Variants in ADGRG1 observed in about 807,000 individuals in gnomAD.
The protein encoded by ADGRG1 is 7-transmembrane protein with no EGF-like N-terminal domains-1.
ADGRG1 carries 53 observed loss-of-function variants against 73.5 expected under a neutral mutation model. The ratio of observed to expected loss-of-function variants is 0.72; its 90% CI spans 0.58 to 0.91. The LOEUF (loss-of-function observed/expected upper bound fraction) is 0.91. Ranked by LOEUF, ADGRG1 falls within the 40% of genes least tolerant of loss-of-function variation. The pLI is 0.00. For missense variants in ADGRG1, 795 were observed against 871.8 expected (o/e 0.91, Z 1.11); for synonymous variants, 394 against 374.4 (o/e 1.05, Z -0.60).
chr16:57,627,966 A>T, upstream of ADGRG1: 2 of 982,880 alleles, frequency 2.0e-6, no homozygotes, highest in Non-Finnish European at 2.4e-6. Flanking sequence ...GGATTAAAGG[A>T]GGCCGTTTCC....
At chr16:57,626,723 G>A (rs1386849039), upstream of ADGRG1, 3 of 985,130 alleles carry the variant, frequency 3.0e-6, no homozygotes, top group African/African-American at 5.2e-5. Context: ...TGTGTGTGTG[G>A]TGGTGGTGGT....
chr16:57,653,875 G>A lies in ADGRG1; in HGVS notation c.621-111G>A, dbSNP rs1365765615. On this transcript the variant is annotated intron_variant, in intron 4 of 13. Transcript: ENST00000562631. ...CACCCCTCTCTCTGCCTCTGCCTCT[G>A]CCTCTGCCTCTTCCCTGTGTCTCTG... is the stretch of plus-strand genomic sequence containing the variant. 6 of 1,594,930 alleles carry A rather than the reference G, an allele frequency of 3.8e-6. No individual in the cohort carries two copies. In the African/African-American group the frequency reaches 6.7e-5, roughly 18 times the overall value.
At chr16:57,659,187 A>G in intron 10 of ADGRG1, 1 of 985,368 alleles carries the variant, frequency 1.0e-6, no homozygotes, top group Non-Finnish European at 1.2e-6. Flanking sequence ...CTTCTGTTAA[A>G]CGTGCACGTG....
At position 57,653,279 on chromosome 16, in the gene ADGRG1, G is replaced by C. The variant is rs369147371; in HGVS notation, c.564G>C (p.Gln188His). Residue 188 changes from glutamine to histidine, a missense_variant, in exon 4 of 14, where the codon CAG becomes CAC. Coordinates refer to ENST00000562631, the MANE Select transcript of ADGRG1 (RefSeq NM_201525.4). Reference protein sequence around the residue: ...ELKRDLQLLSQFLKHPQKASR... With the variant: ...ELKRDLQLLSHFLKHPQKASR... The stretch of plus-strand genomic sequence containing the variant: ...AAAGGGACCTCCAGCTGCTCAGCCA[G>C]TTCCTGAAGCATCCCCAGAAGGCCT... The C allele has an allele frequency of 6.2e-7, 1 of 1,612,798 alleles. No individual in the cohort carries two copies. The highest frequency in any genetic ancestry group is 1.3e-5 in the African/African-American group (1 of 74,922).
chr16:57,663,007 C>T lies in ADGRG1; in HGVS notation c.1934-445C>T, dbSNP rs1442732043. On this transcript the variant is annotated intron_variant, in intron 13 of 13. Coordinates refer to ENST00000562631, the MANE Select transcript of ADGRG1 (RefSeq NM_201525.4). ...CATTCCTGCCTGTGAGATGAGGGGA[C>T]TCAGGATTGTAAGTGAGGCCCATAC... 4.1e-6 allele frequency: 4 copies of T among 984,738 alleles called. No homozygotes were observed. In the African/African-American group the frequency reaches 7.0e-5, roughly 17 times the overall value. 61.0% of individuals were successfully genotyped at this position (984,738 alleles called of 1,614,324 possible).
At chr16:57,660,625 A>G in intron 11 of ADGRG1, 143 bp from the exon 12 acceptor site, 1 of 1,512,388 alleles carries the variant, frequency 6.6e-7, no homozygotes, top group Non-Finnish European at 8.9e-7. Context: ...AACTTGGGGG[A>G]ACTTCCCCAC....
At chr16:57,631,513 C>T (rs2147300308) in intron 1 of ADGRG1, 1 of 985,532 alleles carries the variant, frequency 1.0e-6, no homozygotes, top group South Asian at 4.7e-5. Context: ...AGCCCCAAAC[C>T]CCAGCACCAC....
upstream of ADGRG1, chr16:57,626,693 G>A (rs1363563539): frequency 1.0e-6 from 1 of 985,306 alleles, no homozygotes; most frequent in African/African-American, 1.7e-5. Context: ...GTGCCCTTCT[G>A]GTCAGCACGC....
chr16:57,656,249 G>A lies in ADGRG1; in HGVS notation c.1041G>A (p.Val347=). 1.2e-6 allele frequency: 2 copies of A among 1,613,528 alleles called. No homozygotes were observed. Among genetic ancestry groups the A allele is most frequent in the South Asian group, 1.1e-5 (1 of 91,064 alleles). ...LQPKNVTLQC[V]FWVEDPTLSS... The stretch of plus-strand genomic sequence containing the variant: ...AGAAGAATGTGACTCTGCAATGTGT[G>A]TTCTGGGTTGAAGACCCCACATGTG... Residue 347 remains valine (V), a synonymous_variant, in exon 8 of 14, where the codon GTG becomes GTA. Transcript: ENST00000562631.
chr16:57,653,290 A>G lies in ADGRG1; in HGVS notation c.575A>G (p.His192Arg), dbSNP rs755007269. The G allele has an allele frequency of 7.4e-6, 12 of 1,612,626 alleles. No individual in the cohort carries two copies. Among genetic ancestry groups the G allele is most frequent in the Non-Finnish European group, 1.0e-5 (12 of 1,179,968 alleles). ...CAGCTGCTCAGCCAGTTCCTGAAGC[A>G]TCCCCAGAAGGCCTCAAGGAGGCCC... ...DLQLLSQFLK[H>R]PQKASRRPSA... The change falls in exon 4 of 14, where the codon CAT becomes CGT. Residue 192 changes from histidine (H) to arginine (R), a missense_variant. Physicochemically the swap from His to Arg is conservative, Grantham distance 29. Coordinates refer to ENST00000562631, the MANE Select transcript of ADGRG1 (RefSeq NM_201525.4).
chr16:57,654,930 G>C (rs2045267990), intron 5 of ADGRG1: 1 of 256,628 alleles, frequency 3.9e-6, no homozygotes. Context: ...ACGTTGTCCA[G>C]GTTGGTCTTG....
At chr16:57,638,453 AC>A (rs1254797085) in intron 1 of ADGRG1, among the ~76,000 whole-genome samples, 122 of 152,220 alleles carry the variant, frequency 8.0e-4, no homozygotes, top group African/African-American at 2.9e-3. Context: ...CCTTCCCCAG[AC>A]TGGCAAAAGA....
At position 57,630,611 on chromosome 16, in the gene ADGRG1, C is replaced by T. The variant is rs569057612; in HGVS notation, c.-36+1809C>T. 11 of 772,014 alleles carry T rather than the reference C, an allele frequency of 1.4e-5. No homozygotes were observed. The African/African-American group carries it at 1.7e-4, about 12-fold the overall frequency. 47.8% of individuals were successfully genotyped at this position (772,014 alleles called of 1,614,324 possible). A position where few individuals can be genotyped will look rare whatever the true frequency, so the allele number is the denominator to read the frequency against. On this transcript the variant is annotated intron_variant, in intron 1 of 13. Coordinates refer to ENST00000562631, the MANE Select transcript of ADGRG1 (RefSeq NM_201525.4). ...CTGTGTCCCGGCCTGGGCCACTGGG[C>T]AAGGGCCAGTCAGCCTGGTGTGACA...
chr16:57,663,391 GA>G, intron 13 of ADGRG1, 60 bp from the exon 14 acceptor site: 1 of 1,603,938 alleles, frequency 6.2e-7, no homozygotes. Context: ...GCTGGGGAGG[GA>G]GGAGGAGGGA....
chr16:57,635,764 G>T (rs2039195835), intron 1 of ADGRG1: 7 of 985,268 alleles, frequency 7.1e-6, no homozygotes, highest in Non-Finnish European at 8.4e-6. Flanking sequence ...CAGGACAACA[G>T]AGGCAGCCCA....
chr16:57,624,167 G>A, upstream of ADGRG1: 1 of 981,958 alleles, frequency 1.0e-6, no homozygotes, highest in Non-Finnish European at 1.2e-6. Flanking sequence ...AGCTTGCAAG[G>A]GGAGAAGCCT....
At chr16:57,650,073 TG>T in intron 1 of ADGRG1, 179 bp from the exon 2 acceptor site, 1 of 950,254 alleles carries the variant, frequency 1.1e-6, no homozygotes, top group Non-Finnish European at 1.3e-6. Context: ...TCACCACGCC[TG>T]GCCTCACTGC....
At position 57,628,779 on chromosome 16, in the gene ADGRG1, G is replaced by A. The variant is rs533739337; in HGVS notation, c.-59G>A. 6.3e-4 allele frequency: 621 copies of A among 985,504 alleles called. No homozygotes were observed. The highest frequency in any genetic ancestry group is 7.3e-4 in the Non-Finnish European group (603 of 830,070). The allele number at this position is 985,504 out of a possible 1,614,324, so 61.0% of individuals were successfully genotyped here. ...AGGTGGTCCAGCCGCCTGGCCCTGC[G>A]TGGGACCCTCCACCTGGCAGCAGGT... On this transcript the variant is annotated 5_prime_UTR_variant, in exon 1 of 14. It adds an upstream start codon to the 5' untranslated region. Transcript: ENST00000562631.
In ADGRG1 at chr16:57,637,739, C is replaced by T. The variant is rs2039721557; in HGVS notation, c.-36+8937C>T. ...CTCCTGGCTCTGCTCCACGGAGGGG[C>T]GGGGGAGAAGGGGAGTTGCAGAGAC... On this transcript the variant is annotated intron_variant, in intron 1 of 13. Transcript: ENST00000562631. 7 of 979,700 alleles carry T rather than the reference C, an allele frequency of 7.1e-6. No homozygotes were observed. The South Asian group carries it at 1.4e-4, about 20-fold the overall frequency. The allele number at this position is 979,700 out of a possible 1,614,324, so 60.7% of individuals were successfully genotyped here.
Sources: gnomAD v4.1 joint callset for allele counts (sites outside exome capture counted in the v4.1 genomes callset) on GRCh38, gnomAD v4.1.1 for gene constraint, MANE v1.5 for transcripts, NCBI Gene and HGNC (gene_info 2026-07-23, HGNC 2026-07-21) for gene names.